The following KIT variants were observed in gnomAD, a reference collection of about 807,000 sequenced individuals.
KIT encodes the protein mast/stem cell growth factor receptor Kit.
KIT carries 16 observed loss-of-function variants against 105.7 expected under a neutral mutation model. The ratio of observed to expected loss-of-function variants is 0.15; its 90% CI spans 0.10 to 0.23. KIT has a LOEUF of 0.23. KIT is among the 10% of genes least tolerant of loss of function. The pLI, the probability that KIT is intolerant of heterozygous loss-of-function variation, is 1.00. For synonymous variants in KIT, 438 were observed against 441.1 expected (o/e 0.99, Z 0.09); for missense variants, 858 against 1,213.8 (o/e 0.71, Z 4.36).
At chr4:54,733,400 A>C in intron 17 of KIT, 1 of 502,274 alleles carries the variant, frequency 2.0e-6, no homozygotes. Context: ...TCCTAATTCT[A>C]ATTGTGTAAT....
At chr4:54,716,010 C>G (rs1025498574) in intron 7 of KIT, among the ~76,000 whole-genome samples, 12 of 152,174 alleles carry the variant, frequency 7.9e-5, no homozygotes, top group African/African-American at 2.9e-4. Context: ...ACCACTTAAC[C>G]TATTAGCTTT....
At chr4:54,731,667 A>G (rs558122524) in intron 15 of KIT, among the ~76,000 whole-genome samples, 1 of 152,158 alleles carries the variant, frequency 6.6e-6, no homozygotes, top group South Asian at 2.1e-4. Context: ...CCTCTCCTCT[A>G]TGGATTTTGT....
At chr4:54,714,949 A>T (rs1292723484) in intron 7 of KIT, among the ~76,000 whole-genome samples, 1 of 152,196 alleles carries the variant, frequency 6.6e-6, no homozygotes, top group Non-Finnish European at 1.5e-5. Flanking sequence ...TGACTGCTGA[A>T]GTGCACCAAA....
chr4:54,737,733 G>A (rs1723009057), intron 20 of KIT, among the ~76,000 whole-genome samples: 1 of 152,184 alleles, frequency 6.6e-6, no homozygotes, highest in Non-Finnish European at 1.5e-5. Flanking sequence ...CCAGAAAATG[G>A]CAGATAGCTG....
chr4:54,698,149 T>A lies in KIT; in HGVS notation c.338-135T>A, dbSNP rs553110147. 3 of 797,592 alleles carry A rather than the reference T, an allele frequency of 3.8e-6. No individual in the cohort carries two copies. The South Asian group carries it at 4.4e-5, about 12-fold the overall frequency. The allele number at this position is 797,592 out of a possible 1,614,324, so 49.4% of individuals were successfully genotyped here. On this transcript the variant is annotated intron_variant, in intron 2 of 20. Transcript: ENST00000288135. ...TCAATAGTACTAGATGGATAAATTTTGCTTTTGTTTACACAGAAAAAAGCA... is the reference window on the plus strand; with the variant it reads ...TCAATAGTACTAGATGGATAAATTTAGCTTTTGTTTACACAGAAAAAAGCA...
chr4:54,724,132 T>A (rs1056095673), intron 8 of KIT, among the ~76,000 whole-genome samples: 1 of 152,242 alleles, frequency 6.6e-6, no homozygotes, highest in Non-Finnish European at 1.5e-5. Flanking sequence ...ATATGGCATT[T>A]GCAAGCGACC....
intron 2 of KIT, 51 bp downstream of exon 2, chr4:54,695,832 G>A: frequency 1.2e-6 from 2 of 1,608,798 alleles, no homozygotes; most frequent in Non-Finnish European, 1.7e-6. Flanking sequence ...TTAATATCCT[G>A]CTCTTAATTT....
chr4:54,658,905 C>T (rs1336888086), intron 1 of KIT, among the ~76,000 whole-genome samples: 1 of 152,174 alleles, frequency 6.6e-6, no homozygotes, highest in Non-Finnish European at 1.5e-5. Flanking sequence ...CCGCGCGCCC[C>T]GGGGCGGCTG....
chr4:54,661,906 G>T (rs964939301), intron 1 of KIT, among the ~76,000 whole-genome samples: 1 of 152,180 alleles, frequency 6.6e-6, no homozygotes, highest in Non-Finnish European at 1.5e-5. Context: ...TTTTGGATGT[G>T]ATCATACAGC....
rs1354358212 is a variant in KIT at position 54,731,309 on chromosome 4, CT to C, written c.2142-17del. On this transcript the variant is annotated intron_variant, in intron 14 of 20. Transcript: ENST00000288135. ...CATGTCCCACTTGATTCAGTCATGA[CT>C]TGTTTCATCTCTCCCAGCAGCGATA... 6.3e-7 allele frequency: 1 copy of C among 1,577,624 alleles called. No individual in the cohort carries two copies. Among genetic ancestry groups the C allele is most frequent in the Non-Finnish European group, 8.7e-7 (1 of 1,147,078 alleles).
In KIT at chr4:54,740,055, T is replaced by C; in HGVS notation, c.*1498T>C. ...ACAAAACAAAACAAAAAACTCCCCT[T>C]CCTCACTGCCCAATATAAAAGGCAA... On this transcript the variant is annotated 3_prime_UTR_variant, in exon 21 of 21. Coordinates refer to ENST00000288135, the MANE Select transcript of KIT (RefSeq NM_000222.3). 4.3e-6 allele frequency: 1 copy of C among 233,620 alleles called. No individual in the cohort carries two copies. 14.5% of individuals were successfully genotyped at this position (233,620 alleles called of 1,614,324 possible).
intron 1 of KIT, among the ~76,000 whole-genome samples, chr4:54,693,868 C>T (rs888080447): frequency 6.6e-6 from 1 of 152,218 alleles, no homozygotes; most frequent in African/African-American, 2.4e-5. Flanking sequence ...GCTTTTTCAT[C>T]CCGCTGATAT....
Position 54,738,683 on chromosome 4 carries a change from C to A in KIT, c.*126C>A. On this transcript the variant is annotated 3_prime_UTR_variant, in exon 21 of 21. Coordinates refer to ENST00000288135, the MANE Select transcript of KIT (RefSeq NM_000222.3). ...AGTGGGCACCCCACTGCAATCCTGTCTTTCTGAGCACACTTTAGTGGCCGA... is the reference window on the plus strand; with the variant it reads ...AGTGGGCACCCCACTGCAATCCTGTATTTCTGAGCACACTTTAGTGGCCGA... The A allele has an allele frequency of 1.7e-6, 2 of 1,185,186 alleles. No individual in the cohort carries two copies. Among genetic ancestry groups the A allele is most frequent in the Non-Finnish European group, 2.5e-6 (2 of 803,666 alleles). 73.4% of individuals were successfully genotyped at this position (1,185,186 alleles called of 1,614,324 possible).
At chr4:54,673,798 G>A (rs1185346400) in intron 1 of KIT, among the ~76,000 whole-genome samples, 1 of 151,038 alleles carries the variant, frequency 6.6e-6, no homozygotes, top group East Asian at 2.0e-4. Context: ...AGATTTAGGA[G>A]ACTCTGTTAG....
intron 1 of KIT, among the ~76,000 whole-genome samples, chr4:54,666,373 G>A (rs545931671): frequency 3.9e-5 from 6 of 152,108 alleles, no homozygotes; most frequent in South Asian, 4.2e-4. Context: ...TCCACCTCCC[G>A]GGTTCAAGTG....
At position 54,737,258 on chromosome 4, in the gene KIT, A is replaced by T; in HGVS notation, c.2780A>T (p.Gln927Leu). 1 of 1,612,402 alleles carries T rather than the reference A, an allele frequency of 6.2e-7. No homozygotes were observed. The highest frequency in any genetic ancestry group is 1.7e-5 in the Admixed American group (1 of 60,024). The change falls in exon 20 of 21, where the codon CAG (glutamine) becomes CTG (leucine). Residue 927 changes from glutamine (Q) to leucine (L), a missense_variant. This residue lies in a region of KIT where 105 missense variants were observed against 103.5 expected (regional missense o/e 1.01). Transcript: ENST00000288135. ...CAAATTGTTCAGCTAATTGAGAAGC[A>T]GATTTCAGAGAGCACCAATCATGTG... ...FKQIVQLIEKQISESTNHIYS... is the reference protein window; with the variant it reads ...FKQIVQLIEKLISESTNHIYS...
At chr4:54,718,199 C>T (rs779807884) in intron 7 of KIT, among the ~76,000 whole-genome samples, 25 of 152,306 alleles carry the variant, frequency 1.6e-4, no homozygotes, top group Middle Eastern at 3.4e-3. Context: ...TTCCCAGGTT[C>T]AAGCAGTTCT....
At chr4:54,686,515 C>T (rs975537026) in intron 1 of KIT, among the ~76,000 whole-genome samples, 4 of 152,086 alleles carry the variant, frequency 2.6e-5, no homozygotes, top group African/African-American at 9.7e-5. Context: ...AATCAGTTAC[C>T]TATCATTCAC....
intron 1 of KIT, among the ~76,000 whole-genome samples, chr4:54,680,579 G>C (rs1019804534): frequency 2.0e-5 from 3 of 151,850 alleles, no homozygotes; most frequent in Admixed American, 6.6e-5. Context: ...TTTAGGTAGA[G>C]ATGAGGTTTC....
Sources: allele counts gnomAD v4.1 joint callset (sites outside exome capture counted in the v4.1 genomes callset), GRCh38; gene constraint gnomAD v4.1.1; regional missense constraint gnomAD v4.1.1; transcripts MANE v1.5; gene names NCBI Gene and HGNC (gene_info 2026-07-23, HGNC 2026-07-21).